Variants in ASTN1 observed in about 807,000 individuals in gnomAD.
The protein encoded by ASTN1 is astrotactin 1, also known as astrotactin-1.
A neutral mutation model predicts 140.7 loss-of-function variants in ASTN1; 41 were observed. The observed-to-expected ratio is 0.29, with a 90% CI of 0.23 to 0.38. The LOEUF (loss-of-function observed/expected upper bound fraction) is 0.38. Ranked by LOEUF, ASTN1 falls within the 10% of genes least tolerant of loss-of-function variation. ASTN1 has a pLI of 1.00. For missense variants in ASTN1, 1,479 were observed against 1,678.8 expected (o/e 0.88, Z 2.08); for synonymous variants, 640 against 652.2 (o/e 0.98, Z 0.29).
chr1:176,929,134 G>A (rs1671095595), intron 16 of ASTN1, among the ~76,000 whole-genome samples: 1 of 152,234 alleles, frequency 6.6e-6, no homozygotes, highest in African/African-American at 2.4e-5. Flanking sequence ...GTAGCAGTCA[G>A]TGATGCAGTG....
In ASTN1 at chr1:177,136,449, C is replaced by T. The variant is rs139372927; in HGVS notation, c.283+27945G>A. ...CTCACCGCAACTTCCACCTCCCAGG[C>T]TCAAGTGATTCTCCTGTCTCAGTCT... On this transcript the variant is annotated intron_variant, in intron 1 of 22. Transcript: ENST00000361833. Among the ~76,000 whole-genome samples the T allele has an allele frequency of 6.0e-3, 903 of 151,580 alleles. 8 individuals are homozygous for T. Among genetic ancestry groups the T allele is most frequent in the African/African-American group, 0.021 (854 of 41,336 alleles).
intron 8 of ASTN1, among the ~76,000 whole-genome samples, chr1:177,010,121 T>C (rs1435412350): frequency 6.6e-6 from 1 of 152,214 alleles, no homozygotes; most frequent in Non-Finnish European, 1.5e-5. Context: ...CTCTAATATT[T>C]TCATGTAAAT....
At chr1:176,969,734 T>C (rs1306701683) in intron 8 of ASTN1, among the ~76,000 whole-genome samples, 1 of 152,208 alleles carries the variant, frequency 6.6e-6, no homozygotes, top group East Asian at 1.9e-4. Context: ...TTGTATCCAC[T>C]TTGATATGTG....
intron 1 of ASTN1, among the ~76,000 whole-genome samples, chr1:177,069,269 G>A (rs1238764242): frequency 6.6e-6 from 1 of 152,114 alleles, no homozygotes; most frequent in Non-Finnish European, 1.5e-5. Context: ...TTTTGTTTCT[G>A]TGGATAAGAG....
intron 1 of ASTN1, among the ~76,000 whole-genome samples, chr1:177,161,553 G>A (rs144288289): frequency 6.6e-6 from 1 of 152,332 alleles, no homozygotes; most frequent in Non-Finnish European, 1.5e-5. Context: ...AATAGAGAAA[G>A]GGCAAAGAGC....
rs553241674 is a variant in ASTN1 at position 176,991,623 on chromosome 1, T to C, written c.1523+23168A>G. On this transcript the variant is annotated intron_variant, in intron 8 of 22. Transcript: ENST00000361833. ...AACTAGCTGTGTGACCGGGCTAGAT[T>C]GTGAGCCGGGCTGGATTACTGCTGA... is the stretch of plus-strand genomic sequence containing the variant. Among the ~76,000 whole-genome samples the C allele has an allele frequency of 9.2e-5, 14 of 152,280 alleles. No homozygotes were observed. In the South Asian group the frequency reaches 2.9e-3, roughly 32 times the overall value.
chr1:177,106,345 A>T (rs1680543174), intron 1 of ASTN1, among the ~76,000 whole-genome samples: 1 of 152,280 alleles, frequency 6.6e-6, no homozygotes, highest in South Asian at 2.1e-4. Flanking sequence ...CACTGGCCTC[A>T]TCGCTGTCTT....
intron 1 of ASTN1, among the ~76,000 whole-genome samples, chr1:177,096,704 C>T (rs777898948): frequency 5.3e-5 from 8 of 152,114 alleles, no homozygotes; most frequent in African/African-American, 9.7e-5. Context: ...TGCCCTCTTG[C>T]CTGCTGCCAT....
At chr1:177,149,445 GTA>G (rs1478655617) in intron 1 of ASTN1, among the ~76,000 whole-genome samples, 15 of 65,240 alleles carry the variant, frequency 2.3e-4, no homozygotes, top group African/African-American at 6.6e-4. Flanking sequence ...TATATATATA[GTA>G]TATATATAGT....
intron 8 of ASTN1, among the ~76,000 whole-genome samples, chr1:177,012,086 G>A (rs1396857956): frequency 6.6e-6 from 1 of 152,148 alleles, no homozygotes; most frequent in African/African-American, 2.4e-5. Context: ...CACTTCAGGA[G>A]AATTAAATAA....
At chr1:177,059,232 C>T (rs561550882) in intron 2 of ASTN1, among the ~76,000 whole-genome samples, 43 of 152,212 alleles carry the variant, frequency 2.8e-4, no homozygotes, top group Non-Finnish European at 5.7e-4. Flanking sequence ...GGATGGCTGA[C>T]GAGAAATCCA....
chr1:176,899,810 C>T (rs1401161488), intron 16 of ASTN1, among the ~76,000 whole-genome samples: 1 of 152,130 alleles, frequency 6.6e-6, no homozygotes, highest in Non-Finnish European at 1.5e-5. Context: ...ACAGAGAGAT[C>T]ACTATGGACT....
rs1440952706 is a variant in ASTN1 at position 177,156,450 on chromosome 1, G to A, written c.283+7944C>T. On this transcript the variant is annotated intron_variant, in intron 1 of 22. Coordinates refer to ENST00000361833, the MANE Select transcript of ASTN1 (RefSeq NM_004319.3). ...TGGGGTATATCAAAGTCTCACAGGA[G>A]CCAACTGAAAGAGCTCCCATTAGCC... 1.3e-5 allele frequency among the ~76,000 whole-genome samples: 2 copies of A among 152,072 alleles called. 1 individual carries two copies. Among genetic ancestry groups the A allele is most frequent in the African/African-American group, 4.8e-5 (2 of 41,406 alleles).
rs1173558748 is a variant in ASTN1, at chr1:177,076,675, C to T, written c.284-15410G>A. 3.9e-5 allele frequency among the ~76,000 whole-genome samples: 6 copies of T among 151,970 alleles called. No individual in the cohort carries two copies. The South Asian group carries it at 6.2e-4, about 16-fold the overall frequency. The stretch of plus-strand genomic sequence containing the variant: ...TAGCTGGGACTACAGGCCTGAGCCA[C>T]GATGCCTAGCTAATTTTTGTATTTT... On this transcript the variant is annotated intron_variant, in intron 1 of 22. Coordinates refer to ENST00000361833, the MANE Select transcript of ASTN1 (RefSeq NM_004319.3).
intron 20 of ASTN1, among the ~76,000 whole-genome samples, chr1:176,877,985 A>T (rs1668633980): frequency 6.6e-6 from 1 of 152,156 alleles, no homozygotes; most frequent in Admixed American, 6.5e-5. Context: ...ACCATGGCCC[A>T]CCACTCCCTC....
At chr1:177,024,928 G>C (rs1676033639) in intron 5 of ASTN1, among the ~76,000 whole-genome samples, 196 bp from the exon 6 acceptor site, 1 of 152,136 alleles carries the variant, frequency 6.6e-6, no homozygotes, top group Non-Finnish European at 1.5e-5. Context: ...GGAGTCAGAG[G>C]GGACTTGGCC....
Position 176,888,080 on chromosome 1 carries a change from G to C in ASTN1, c.3065C>G (p.Pro1022Arg). The change falls in exon 18 of 23, where the codon CCA (proline) becomes CGA (arginine). Residue 1022 changes from proline to arginine, a missense_variant. Physicochemically the swap from Pro to Arg is moderately radical, Grantham distance 103. Around this residue, in one of 3 missense-constraint regions of ASTN1, gnomAD observed 746 missense variants for 800.9 expected, o/e 0.93. Transcript: ENST00000361833. Reference sequence around the variant, plus strand: ...AGAAAGAGAACCATACACAGGCTGTGGGAGAGGCGCACAGGTGGGGAGTCC... The same window carrying C: ...AGAAAGAGAACCATACACAGGCTGTCGGAGAGGCGCACAGGTGGGGAGTCC... ...ADGLPTCAPL[P>R]QPVLRLSTVH... 6.2e-7 allele frequency: 1 copy of C among 1,614,112 alleles called. No homozygotes were observed. Among genetic ancestry groups the C allele is most frequent in the Non-Finnish European group, 8.5e-7 (1 of 1,180,014 alleles).
intron 1 of ASTN1, among the ~76,000 whole-genome samples, chr1:177,111,656 T>A (rs902125349): frequency 6.6e-6 from 1 of 152,184 alleles, no homozygotes; most frequent in African/African-American, 2.4e-5. Flanking sequence ...ATAGAGCTGA[T>A]AAGATATAGA....
chr1:177,139,333 G>T (rs1301384160), intron 1 of ASTN1, among the ~76,000 whole-genome samples: 1 of 152,134 alleles, frequency 6.6e-6, no homozygotes, highest in Non-Finnish European at 1.5e-5. Flanking sequence ...TGTGAGATAG[G>T]GCAAATGTGA....
Sources: allele counts gnomAD v4.1 joint callset (sites outside exome capture counted in the v4.1 genomes callset), GRCh38; gene constraint gnomAD v4.1.1; regional missense constraint gnomAD v4.1.1; transcripts MANE v1.5; gene names NCBI Gene and HGNC (gene_info 2026-07-23, HGNC 2026-07-21).